DGKI: variants seen among roughly 807,000 people sequenced by gnomAD.
DGKI encodes the protein diacylglycerol kinase iota, also known as DAG kinase iota.
A neutral mutation model predicts 147.5 loss-of-function variants in DGKI; 55 were observed. That is an observed-to-expected ratio of 0.37 (90% confidence interval 0.30 to 0.47). The LOEUF (loss-of-function observed/expected upper bound fraction) is 0.47. DGKI is among the 20% of genes least tolerant of loss of function. The pLI is 1.00. For synonymous variants in DGKI, 469 were observed against 477.1 expected (o/e 0.98, Z 0.22); for missense variants, 1,007 against 1,323.8 (o/e 0.76, Z 3.71).
At chr7:137,669,210 G>C (rs954833499) in intron 3 of DGKI, among the ~76,000 whole-genome samples, 1 of 152,098 alleles carries the variant, frequency 6.6e-6, no homozygotes, top group Non-Finnish European at 1.5e-5. Context: ...CCATTTCCTC[G>C]TGTTTTTAAA....
chr7:137,786,790 G>C (rs1236664104), intron 1 of DGKI, among the ~76,000 whole-genome samples: 1 of 152,046 alleles, frequency 6.6e-6, no homozygotes. Context: ...TAGACCAGTG[G>C]AGCAGAATAG....
Position 137,552,409 on chromosome 7 carries a change from G to C in DGKI, c.2107C>G (p.Gln703Glu). Reference protein sequence around the residue: ...ISLRNQANMVQKSKRRTSMPL... With the variant: ...ISLRNQANMVEKSKRRTSMPL... ...ATGGATGTTCTCCTCTTGCTCTTCT[G>C]TACCATGTTGGCCTGATTCCTCAGG... The change falls in exon 20 of 33, where the codon CAG (glutamine) becomes GAG (glutamate). Residue 703 changes from glutamine (Q) to glutamate (E), a missense_variant. Around this residue, in one of 5 missense-constraint regions of DGKI, gnomAD observed 224 missense variants for 382.7 expected, o/e 0.59. Transcript: ENST00000614521. 1 of 1,613,860 alleles carries C rather than the reference G, an allele frequency of 6.2e-7. No homozygotes were observed.
At chr7:137,776,709 G>A (rs1796372992) in intron 1 of DGKI, among the ~76,000 whole-genome samples, 1 of 152,164 alleles carries the variant, frequency 6.6e-6, no homozygotes, top group Non-Finnish European at 1.5e-5. Flanking sequence ...CAACTTAATG[G>A]AAGAAGTGGA....
At chr7:137,632,580 C>T (rs1170066085) in intron 6 of DGKI, among the ~76,000 whole-genome samples, 3 of 152,032 alleles carry the variant, frequency 2.0e-5, no homozygotes, top group East Asian at 1.9e-4. Flanking sequence ...AGATACAGGC[C>T]GGGCATGGTG....
At chr7:137,533,311 T>A (rs892655845) in intron 20 of DGKI, among the ~76,000 whole-genome samples, 1 of 151,776 alleles carries the variant, frequency 6.6e-6, no homozygotes, top group Admixed American at 6.6e-5. Flanking sequence ...AGTAAATATA[T>A]AAAATAAATT....
At chr7:137,752,181 AAGAG>A (rs1467143851) in intron 1 of DGKI, among the ~76,000 whole-genome samples, 1 of 152,162 alleles carries the variant, frequency 6.6e-6, no homozygotes, top group Non-Finnish European at 1.5e-5. Context: ...GGGGGGAGCA[AAGAG>A]GAAGAGGTGG....
chr7:137,658,683 CG>C (rs1202847009), intron 3 of DGKI, among the ~76,000 whole-genome samples: 1 of 152,182 alleles, frequency 6.6e-6, no homozygotes, highest in African/African-American at 2.4e-5. Flanking sequence ...AAGGAAGATG[CG>C]GAGAAAACTC....
chr7:137,660,479 C>T (rs928245425), intron 3 of DGKI, among the ~76,000 whole-genome samples: 2 of 152,204 alleles, frequency 1.3e-5, no homozygotes, highest in African/African-American at 4.8e-5. Context: ...GACAGCTCTC[C>T]ACCAATCTTC....
chr7:137,552,818 GGC>G (rs1454578284), intron 19 of DGKI, among the ~76,000 whole-genome samples: 1 of 151,988 alleles, frequency 6.6e-6, no homozygotes, highest in Non-Finnish European at 1.5e-5. Context: ...AGGAGGCTGA[GGC>G]AAGATAATCG....
intron 1 of DGKI, among the ~76,000 whole-genome samples, chr7:137,799,400 AT>A (rs1797128296): frequency 6.6e-6 from 1 of 152,200 alleles, no homozygotes; most frequent in Non-Finnish European, 1.5e-5. Context: ...TCTGAGGATG[AT>A]TAAAAGATTG....
chr7:137,490,545 A>G (rs1338842625), intron 21 of DGKI, among the ~76,000 whole-genome samples: 1 of 152,234 alleles, frequency 6.6e-6, no homozygotes, highest in Non-Finnish European at 1.5e-5. Context: ...TTTTCTAAAA[A>G]CTAACTTCTA....
chr7:137,672,914 G>A (rs565641249), intron 3 of DGKI, among the ~76,000 whole-genome samples: 29 of 151,708 alleles, frequency 1.9e-4, no homozygotes, highest in African/African-American at 3.9e-4. Flanking sequence ...CTGTAATGCC[G>A]CCGGGATTGC....
intron 26 of DGKI, among the ~76,000 whole-genome samples, chr7:137,464,528 A>C (rs923872319): frequency 1.3e-5 from 2 of 152,114 alleles, no homozygotes; most frequent in African/African-American, 4.8e-5. Flanking sequence ...CCAGGGGTGC[A>C]TCAGGTTACC....
Position 137,619,929 on chromosome 7 carries a change from C to A in DGKI, c.888G>T (p.Lys296Asn). 1 of 1,611,248 alleles carries A rather than the reference C, an allele frequency of 6.2e-7. No individual in the cohort carries two copies. Among genetic ancestry groups the A allele is most frequent in the Non-Finnish European group, 8.5e-7 (1 of 1,178,382 alleles). Residue 296 changes from lysine (K) to asparagine (N), a missense_variant, in exon 8 of 33, where the codon AAG becomes AAT. Physicochemically the swap from Lys to Asn is moderately conservative, Grantham distance 94. Transcript: ENST00000614521. ...CSWCKQAFHN[K>N]VTCFMLHHIE... Reference sequence around the variant, plus strand: ...TGTGATGCAGCATGAAGCAGGTCACCTTATTGTGAAACTGAAGAGAAAAAT... The same window carrying A: ...TGTGATGCAGCATGAAGCAGGTCACATTATTGTGAAACTGAAGAGAAAAAT...
At chr7:137,740,182 T>C (rs1266995825) in intron 1 of DGKI, among the ~76,000 whole-genome samples, 1 of 152,196 alleles carries the variant, frequency 6.6e-6, no homozygotes, top group African/African-American at 2.4e-5. Flanking sequence ...CTTGAAGAGA[T>C]ACATACATGC....
chr7:137,669,800 T>C (rs1053262255), intron 3 of DGKI, among the ~76,000 whole-genome samples: 1 of 152,226 alleles, frequency 6.6e-6, no homozygotes, highest in African/African-American at 2.4e-5. Context: ...TTTTTTTCCT[T>C]TATCTTTAGG....
In DGKI at chr7:137,435,015, C is replaced by T. The variant is rs560856551; in HGVS notation, c.2761+9062G>A. Among the ~76,000 whole-genome samples the T allele has an allele frequency of 1.4e-4, 21 of 152,232 alleles. No individual in the cohort carries two copies. In the South Asian group the frequency reaches 3.9e-3, roughly 29 times the overall value. ...TTTTCAGCACATAGTAACTGAATCT[C>T]TGGAAAAAGACCAGGAGTGACCTAT... On this transcript the variant is annotated intron_variant, in intron 28 of 32. Transcript: ENST00000614521.
At chr7:137,580,080 G>T (rs989262020) in intron 15 of DGKI, among the ~76,000 whole-genome samples, 1 of 152,040 alleles carries the variant, frequency 6.6e-6, no homozygotes, top group Non-Finnish European at 1.5e-5. Flanking sequence ...CTAAATATGA[G>T]ACTCACTTGA....
intron 1 of DGKI, among the ~76,000 whole-genome samples, chr7:137,801,475 A>G (rs1797205529): frequency 6.6e-6 from 1 of 152,396 alleles, no homozygotes; most frequent in East Asian, 1.9e-4. Flanking sequence ...ATGTAGGACC[A>G]GAAAGCTTGG....
Sources: gnomAD v4.1 joint callset for allele counts (sites outside exome capture counted in the v4.1 genomes callset) on GRCh38, gnomAD v4.1.1 for gene constraint, gnomAD v4.1.1 regional missense constraint, MANE v1.5 for transcripts, NCBI Gene and HGNC (gene_info 2026-07-23, HGNC 2026-07-21) for gene names.